PAWR: variants seen among roughly 807,000 people sequenced by gnomAD.
PAWR encodes the protein pro-apoptotic WT1 regulator.
In PAWR, 23 loss-of-function variants were observed where a neutral mutation model predicts 32.0. That is an observed-to-expected ratio of 0.72 (90% CI 0.52 to 1.02). PAWR has a LOEUF of 1.02. PAWR is among the 50% of genes least tolerant of loss of function. The pLI is 0.00. For missense variants in PAWR, 457 were observed against 437.7 expected (o/e 1.04, Z -0.39); for synonymous variants, 226 against 187.1 (o/e 1.21, Z -1.70).
At chr12:79,655,727 A>T (rs945193680) in intron 2 of PAWR, among the ~76,000 whole-genome samples, 36 of 152,350 alleles carry the variant, frequency 2.4e-4, no homozygotes, top group African/African-American at 8.7e-4. Context: ...GGTTGTCAAA[A>T]AGACTTCAAG....
chr12:79,632,298 TATATATATACATAC>T (rs1269016093), intron 2 of PAWR: 7,462 of 13,010 alleles, frequency 0.57, 2,003 homozygotes, highest in Non-Finnish European at 0.63. Flanking sequence ...AATATATACA[TATATATATACATAC>T]ATATATATAT....
In PAWR at chr12:79,662,813, T is replaced by G. The variant is rs145372802; in HGVS notation, c.516+26916A>C. On this transcript the variant is annotated intron_variant, in intron 2 of 6. Transcript: ENST00000328827. ...CTAAGCACTCTTAGCACTTGGCATG[T>G]GAAGATGGAGTAAGGAAACATCAAG... 4.1e-3 allele frequency among the ~76,000 whole-genome samples: 620 copies of G among 152,298 alleles called. 12 individuals carry two copies. The highest frequency in any genetic ancestry group is 0.014 in the African/African-American group (588 of 41,556).
chr12:79,685,578 T>C (rs921090910), intron 2 of PAWR, among the ~76,000 whole-genome samples: 1 of 152,150 alleles, frequency 6.6e-6, no homozygotes, highest in Non-Finnish European at 1.5e-5. Context: ...AAAAACAATA[T>C]ATCACTTAGG....
chr12:79,599,606 A>C (rs530123453), intron 4 of PAWR, among the ~76,000 whole-genome samples: 102 of 152,356 alleles, frequency 6.7e-4, no homozygotes, highest in Middle Eastern at 3.4e-3. Context: ...AAGCTGAAAA[A>C]TAAATTGTTA....
chr12:79,678,198 T>C (rs1210592718), intron 2 of PAWR, among the ~76,000 whole-genome samples: 1 of 152,198 alleles, frequency 6.6e-6, no homozygotes, highest in Non-Finnish European at 1.5e-5. Flanking sequence ...CTTTTAATGA[T>C]TTCAAATTAG....
At chr12:79,661,248 CAAAAAAAAA>C (rs397967995) in intron 2 of PAWR, among the ~76,000 whole-genome samples, 1 of 71,462 alleles carries the variant, frequency 1.4e-5, no homozygotes, top group African/African-American at 3.8e-5. Flanking sequence ...GACTCTGTCT[CAAAAAAAAA>C]AAAAAAAAAA....
At position 79,592,400 on chromosome 12, in the gene PAWR, T is replaced by C. The variant is rs762928871; in HGVS notation, c.*207A>G. On this transcript the variant is annotated 3_prime_UTR_variant, in exon 7 of 7. Coordinates refer to ENST00000328827, the MANE Select transcript of PAWR (RefSeq NM_002583.4). ...CTATCATTTAATAACTGAAAGATATTACTTATTTGTGAGATAAAAGGATAA... is the reference window on the plus strand; with the variant it reads ...CTATCATTTAATAACTGAAAGATATCACTTATTTGTGAGATAAAAGGATAA... 2.7e-4 allele frequency: 125 copies of C among 459,504 alleles called. 1 individual carries two copies. Among genetic ancestry groups the C allele is most frequent in the Non-Finnish European group, 4.3e-4 (113 of 264,174 alleles). The allele number at this position is 459,504 out of a possible 1,614,324, so 28.5% of individuals were successfully genotyped here.
chr12:79,624,761 C>T (rs1005398386), intron 2 of PAWR, among the ~76,000 whole-genome samples: 1 of 152,102 alleles, frequency 6.6e-6, no homozygotes, highest in South Asian at 2.1e-4. Context: ...AGTGGATTCT[C>T]CTCATTCCTT....
At chr12:79,632,320 T>C (rs867922767) in intron 2 of PAWR, among the ~76,000 whole-genome samples, 1,768 of 27,770 alleles carry the variant, frequency 0.064, 215 homozygotes, top group South Asian at 0.076. Flanking sequence ...TACATATATA[T>C]ATATATATAT....
chr12:79,660,787 T>C (rs1248110724), intron 2 of PAWR, among the ~76,000 whole-genome samples: 2 of 151,762 alleles, frequency 1.3e-5, no homozygotes, highest in Admixed American at 6.6e-5. Context: ...TTTCACCATA[T>C]TGGTCAGGAT....
Position 79,621,129 on chromosome 12 carries a change from T to G in PAWR, c.595A>C (p.Ile199Leu). ...AGTAAGTTTACAGCTTCATTCTGAA[T>G]AGTGTTCTGTTGTGTAATTGCATCT... ...REDAITQQNT[I>L]QNEAVNLLDP... The change falls in exon 3 of 7, where the codon ATT (isoleucine) becomes CTT (leucine). Residue 199 changes from isoleucine (I) to leucine (L), a missense_variant. Coordinates refer to ENST00000328827, the MANE Select transcript of PAWR (RefSeq NM_002583.4). 2.5e-6 allele frequency: 4 copies of G among 1,607,888 alleles called. No homozygotes were observed. Among genetic ancestry groups the G allele is most frequent in the Non-Finnish European group, 3.4e-6 (4 of 1,175,278 alleles).
chr12:79,680,075 C>T (rs993967022), intron 2 of PAWR, among the ~76,000 whole-genome samples: 1 of 152,146 alleles, frequency 6.6e-6, no homozygotes, highest in Non-Finnish European at 1.5e-5. Flanking sequence ...TAGACATATA[C>T]GCACTATAAC....
chr12:79,652,367 C>CT (rs200194661), intron 2 of PAWR, among the ~76,000 whole-genome samples: 2,111 of 152,260 alleles, frequency 0.014, 33 homozygotes, highest in South Asian at 0.033. Context: ...ATTTAATTTA[C>CT]TAAGTAATAC....
In PAWR at chr12:79,614,001, T is replaced by A. The variant is rs1339018777; in HGVS notation, c.649-392A>T. ...TATATTTTTTTTTTTTTTTTTTTTT[T>A]TTTTTTTTTTTTTTTTTTTTTTTTT... On this transcript the variant is annotated intron_variant, in intron 3 of 6. Transcript: ENST00000328827. Among the ~76,000 whole-genome samples the A allele has an allele frequency of 1.4e-3, 62 of 44,040 alleles. 1 individual carries two copies. Among genetic ancestry groups the A allele is most frequent in the African/African-American group, 4.1e-3 (62 of 15,090 alleles). 28.9% of individuals were successfully genotyped at this position (44,040 alleles called of 152,430 possible).
At position 79,635,150 on chromosome 12, in the gene PAWR, A is replaced by G. The variant is rs142373923; in HGVS notation, c.517-13943T>C. Among the ~76,000 whole-genome samples the G allele has an allele frequency of 4.1e-3, 623 of 152,288 alleles. 12 individuals are homozygous for G. The highest frequency in any genetic ancestry group is 0.014 in the African/African-American group (591 of 41,574). Reference sequence around the variant, plus strand: ...ATCTTGCTATTGTCAGATGCAGATTAAAACCTGGCTGGCTCCCTGAAAAAG... The same window carrying G: ...ATCTTGCTATTGTCAGATGCAGATTGAAACCTGGCTGGCTCCCTGAAAAAG... On this transcript the variant is annotated intron_variant, in intron 2 of 6. Coordinates refer to ENST00000328827, the MANE Select transcript of PAWR (RefSeq NM_002583.4).
chr12:79,599,972 T>A (rs1047247063), intron 4 of PAWR, among the ~76,000 whole-genome samples: 1 of 152,228 alleles, frequency 6.6e-6, no homozygotes, highest in South Asian at 2.1e-4. Context: ...GTTTTGAACA[T>A]ATTTGATGAA....
chr12:79,674,419 A>G (rs1878060165), intron 2 of PAWR, among the ~76,000 whole-genome samples: 1 of 152,146 alleles, frequency 6.6e-6, no homozygotes, highest in Admixed American at 6.5e-5. Context: ...AAATGGACTA[A>G]AGGCTTAAAT....
At chr12:79,622,407 G>A (rs144002104) in intron 2 of PAWR, among the ~76,000 whole-genome samples, 9 of 152,144 alleles carry the variant, frequency 5.9e-5, no homozygotes, top group East Asian at 3.9e-4. Context: ...TGCTGCACCC[G>A]TTAACTCGTC....
At chr12:79,626,481 G>C (rs974544068) in intron 2 of PAWR, among the ~76,000 whole-genome samples, 1 of 150,978 alleles carries the variant, frequency 6.6e-6, no homozygotes, top group African/African-American at 2.4e-5. Flanking sequence ...GGATGGTCTC[G>C]ATCTCCAGAC....
Sources: allele counts gnomAD v4.1 joint callset (sites outside exome capture counted in the v4.1 genomes callset), GRCh38; gene constraint gnomAD v4.1.1; transcripts MANE v1.5; gene names NCBI Gene and HGNC (gene_info 2026-07-23, HGNC 2026-07-21).